TMTC1: variants seen among roughly 807,000 people sequenced by gnomAD.
The protein encoded by TMTC1 is protein O-mannosyl-transferase TMTC1.
TMTC1 carries 73 observed loss-of-function variants against 104.8 expected under a neutral mutation model. That is an observed-to-expected ratio of 0.70 (90% CI 0.58 to 0.85). The LOEUF (loss-of-function observed/expected upper bound fraction) is 0.85. Ranked by LOEUF, TMTC1 falls within the 40% of genes least tolerant of loss-of-function variation. TMTC1 has a pLI of 0.00. For missense variants in TMTC1, 1,035 were observed against 1,096.1 expected (o/e 0.94, Z 0.79); for synonymous variants, 434 against 428.7 (o/e 1.01, Z -0.15).
intron 2 of TMTC1, among the ~76,000 whole-genome samples, chr12:29,762,068 ACTC>A (rs1943363677): frequency 1.3e-5 from 2 of 152,116 alleles, no homozygotes; most frequent in Admixed American, 6.5e-5. Flanking sequence ...GGTCCCAGCT[ACTC>A]GGGAGGCTGA....
rs1943511891 is a variant in TMTC1 at position 29,768,036 on chromosome 12, A to C, written c.342T>G (p.Phe114Leu). The C allele has an allele frequency of 6.2e-7, 1 of 1,613,608 alleles. No homozygotes were observed. Among genetic ancestry groups the C allele is most frequent in the Non-Finnish European group, 8.5e-7 (1 of 1,179,760 alleles). The change falls in exon 2 of 18, where the codon TTT becomes TTG. Residue 114 changes from phenylalanine (F) to leucine (L), a missense_variant. Coordinates refer to ENST00000539277, the MANE Select transcript of TMTC1 (RefSeq NM_001193451.2). ...IFLTGMNPFY[F>L]HAVNIILHCL... is the part of the protein sequence containing the mutation. Reference sequence around the variant, plus strand: ...AGTGTAAAATTATATTTACTGCATGAAAGTAGAATGGGTTCATACCAGTCA... The same window carrying C: ...AGTGTAAAATTATATTTACTGCATGCAAGTAGAATGGGTTCATACCAGTCA...
At chr12:29,604,417 A>G (rs778847237) in intron 6 of TMTC1, 118 bp from the exon 7 acceptor site, 12 of 1,393,532 alleles carry the variant, frequency 8.6e-6, no homozygotes, top group Non-Finnish European at 1.2e-5. Context: ...TTAGACCAAT[A>G]TAAACCTTTT....
intron 5 of TMTC1, chr12:29,666,384 A>T (rs1331881483): frequency 1.3e-5 from 4 of 302,336 alleles, no homozygotes; most frequent in South Asian, 5.4e-5. Context: ...TGCCTGGCTA[A>T]TTTTTTTTTT....
At chr12:29,720,289 G>A (rs1942202112) in intron 5 of TMTC1, among the ~76,000 whole-genome samples, 1 of 152,170 alleles carries the variant, frequency 6.6e-6, no homozygotes, top group Non-Finnish European at 1.5e-5. Context: ...TCCATAATCA[G>A]TGGGAAAGGG....
chr12:29,738,244 T>C (rs185902696), intron 5 of TMTC1, among the ~76,000 whole-genome samples: 2 of 152,314 alleles, frequency 1.3e-5, no homozygotes, highest in East Asian at 3.9e-4. Flanking sequence ...CCAGAATCCA[T>C]GTACCTAATC....
chr12:29,780,657 T>C (rs1184231606), intron 1 of TMTC1, among the ~76,000 whole-genome samples: 1 of 130,032 alleles, frequency 7.7e-6, no homozygotes, highest in Non-Finnish European at 1.7e-5. Flanking sequence ...CTTAGTAAAA[T>C]AAAAAAAATA....
chr12:29,615,675 T>C (rs1565711600), intron 6 of TMTC1, among the ~76,000 whole-genome samples: 1 of 152,172 alleles, frequency 6.6e-6, no homozygotes, highest in Non-Finnish European at 1.5e-5. Context: ...AACATCTATA[T>C]ACACATTTCT....
intron 5 of TMTC1, among the ~76,000 whole-genome samples, chr12:29,746,457 A>C (rs893071312): frequency 6.6e-6 from 1 of 152,196 alleles, no homozygotes; most frequent in East Asian, 1.9e-4. Flanking sequence ...GGCTGTTAAT[A>C]ATCTGGAACA....
At chr12:29,563,689 C>G (rs778186578) in intron 9 of TMTC1, among the ~76,000 whole-genome samples, 1 of 152,164 alleles carries the variant, frequency 6.6e-6, no homozygotes, top group Non-Finnish European at 1.5e-5. Flanking sequence ...ACTCTAAGAG[C>G]CCTGTGATCG....
intron 5 of TMTC1, among the ~76,000 whole-genome samples, chr12:29,679,875 A>T (rs1217660161): frequency 6.6e-6 from 1 of 152,156 alleles, no homozygotes; most frequent in East Asian, 1.9e-4. Context: ...GAAATAAAAG[A>T]AAAAAACATG....
chr12:29,756,315 T>G (rs998854500), intron 3 of TMTC1, among the ~76,000 whole-genome samples: 5 of 152,230 alleles, frequency 3.3e-5, no homozygotes, highest in African/African-American at 1.2e-4. Context: ...AGTTCCCTTA[T>G]GTGTGAAAAG....
At chr12:29,766,652 G>C (rs1056584647) in intron 2 of TMTC1, among the ~76,000 whole-genome samples, 1 of 152,174 alleles carries the variant, frequency 6.6e-6, no homozygotes, top group African/African-American at 2.4e-5. Context: ...AAAATGAGCA[G>C]AGGGCAACTG....
intron 13 of TMTC1, 58 bp downstream of exon 13, chr12:29,518,414 T>C: frequency 6.3e-7 from 1 of 1,584,070 alleles, no homozygotes; most frequent in South Asian, 1.1e-5. Flanking sequence ...ACTAAGAAGC[T>C]GATGAGTGAT....
intron 1 of TMTC1, among the ~76,000 whole-genome samples, chr12:29,771,990 A>C (rs779808804): frequency 2.0e-5 from 3 of 152,228 alleles, no homozygotes; most frequent in Non-Finnish European, 4.4e-5. Context: ...ATGAATAAAC[A>C]TGAATGGATG....
At chr12:29,671,340 T>C (rs112448148) in intron 5 of TMTC1, among the ~76,000 whole-genome samples, 3,441 of 149,716 alleles carry the variant, frequency 0.023, 81 homozygotes, top group Admixed American at 0.053. Context: ...ATAAAAGAAA[T>C]AAACAAAAAG....
At position 29,783,897 on chromosome 12, in the gene TMTC1, C is replaced by T; in HGVS notation, c.-146G>A. The T allele has an allele frequency of 1.3e-6, 1 of 787,630 alleles. No homozygotes were observed. Among genetic ancestry groups the T allele is most frequent in the African/African-American group, 1.9e-5 (1 of 53,872 alleles). The allele number at this position is 787,630 out of a possible 1,614,324, so 48.8% of individuals were successfully genotyped here. ...CTGGACCCGCCGCGAGCTCCCCGCG[C>T]TCCGCCGCCGCCTGCGCCGCGGAGT... On this transcript the variant is annotated 5_prime_UTR_variant, in exon 1 of 18. Coordinates refer to ENST00000539277, the MANE Select transcript of TMTC1 (RefSeq NM_001193451.2). This position sits in a 1 kb window ranked among gnomAD's most constrained non-coding sequence, Gnocchi z 4.7.
intron 5 of TMTC1, among the ~76,000 whole-genome samples, chr12:29,666,723 C>T (rs1198105437): frequency 6.6e-6 from 1 of 152,122 alleles, no homozygotes; most frequent in Non-Finnish European, 1.5e-5. Flanking sequence ...ATTAGTCTTT[C>T]CAGCTGTTCT....
intron 7 of TMTC1, among the ~76,000 whole-genome samples, chr12:29,601,095 C>A (rs1807751891): frequency 6.6e-6 from 1 of 152,162 alleles, no homozygotes; most frequent in Admixed American, 6.5e-5. Flanking sequence ...TAACCCAAAT[C>A]AGCCTATTCC....
At chr12:29,702,841 AT>A (rs1222410078) in intron 5 of TMTC1, among the ~76,000 whole-genome samples, 1 of 152,168 alleles carries the variant, frequency 6.6e-6, no homozygotes, top group Non-Finnish European at 1.5e-5. Context: ...ATATTTTCTA[AT>A]TTATAAAAAA....
Sources: gnomAD v4.1 joint callset for allele counts (sites outside exome capture counted in the v4.1 genomes callset) on GRCh38, gnomAD v4.1.1 for gene constraint, Gnocchi (gnomAD v3.1) non-coding constraint, MANE v1.5 for transcripts, NCBI Gene and HGNC (gene_info 2026-07-23, HGNC 2026-07-21) for gene names.